The following MYRIP variants were observed in gnomAD, a reference collection of about 807,000 sequenced individuals.
MYRIP encodes myosin VIIA and Rab interacting protein, also known as rab effector MyRIP.
In MYRIP, 49 loss-of-function variants were observed where a neutral mutation model predicts 98.0. The observed-to-expected ratio is 0.50, with a 90% CI of 0.40 to 0.63. The LOEUF is 0.63. Among genes scored for constraint, MYRIP ranks in the 30% least tolerant of loss-of-function variants. MYRIP has a pLI of 0.00. For synonymous variants in MYRIP, 404 were observed against 409.5 expected (o/e 0.99, Z 0.16); for missense variants, 1,004 against 1,058.2 (o/e 0.95, Z 0.71).
chr3:40,042,643 TA>T (rs927487443), intron 2 of MYRIP, among the ~76,000 whole-genome samples: 2 of 151,796 alleles, frequency 1.3e-5, no homozygotes, highest in African/African-American at 4.8e-5. Flanking sequence ...AGATAAAAAG[TA>T]AAAAAAGTAA....
At chr3:39,940,549 T>A (rs1446110913) in intron 2 of MYRIP, among the ~76,000 whole-genome samples, 1 of 152,160 alleles carries the variant, frequency 6.6e-6, no homozygotes, top group African/African-American at 2.4e-5. Flanking sequence ...AATGGTATGT[T>A]TTATTTTCTG....
intron 1 of MYRIP, among the ~76,000 whole-genome samples, chr3:39,851,007 G>A (rs1942114766): frequency 6.6e-6 from 1 of 152,144 alleles, no homozygotes; most frequent in Admixed American, 6.5e-5. Flanking sequence ...GACTTACACT[G>A]TGTCCAGACA....
chr3:40,171,765 T>C (rs1950620936), intron 8 of MYRIP, among the ~76,000 whole-genome samples: 1 of 152,268 alleles, frequency 6.6e-6, no homozygotes, highest in African/African-American at 2.4e-5. Context: ...ACAGTCTTTA[T>C]TGAGCTTCCA....
At chr3:40,206,087 T>A (rs1951786716) in intron 10 of MYRIP, among the ~76,000 whole-genome samples, 1 of 152,162 alleles carries the variant, frequency 6.6e-6, no homozygotes, top group Admixed American at 6.6e-5. Flanking sequence ...CCAAAGTTTG[T>A]GAACAATATC....
intron 1 of MYRIP, among the ~76,000 whole-genome samples, chr3:39,829,669 A>T (rs1373686333): frequency 6.6e-6 from 1 of 152,110 alleles, no homozygotes; most frequent in Non-Finnish European, 1.5e-5. Context: ...TGGGGCTGTT[A>T]TTCTGGCCAG....
At chr3:39,914,657 C>CA (rs1315511646) in intron 2 of MYRIP, among the ~76,000 whole-genome samples, 2 of 151,892 alleles carry the variant, frequency 1.3e-5, no homozygotes, top group African/African-American at 2.4e-5. Flanking sequence ...AGCAAGCAAG[C>CA]AAAAAACTAA....
chr3:39,880,398 T>C (rs1216549548), intron 1 of MYRIP, among the ~76,000 whole-genome samples: 1 of 152,218 alleles, frequency 6.6e-6, no homozygotes, highest in Non-Finnish European at 1.5e-5. Context: ...TTAAACTTTG[T>C]TGATGTTGTA....
At chr3:40,060,622 G>A (rs915261391) in intron 3 of MYRIP, among the ~76,000 whole-genome samples, 2 of 88,260 alleles carry the variant, frequency 2.3e-5, no homozygotes, top group African/African-American at 3.9e-5. Context: ...AGAGAGATTC[G>A]CTCTTGCTAC....
chr3:40,099,532 A>G (rs547691472), intron 3 of MYRIP, among the ~76,000 whole-genome samples: 2 of 152,282 alleles, frequency 1.3e-5, no homozygotes, highest in African/African-American at 4.8e-5. Flanking sequence ...CCATCACAGT[A>G]TATGTTTACA....
intron 3 of MYRIP, among the ~76,000 whole-genome samples, chr3:40,047,152 A>G (rs905089615): frequency 6.6e-6 from 1 of 152,222 alleles, no homozygotes; most frequent in Non-Finnish European, 1.5e-5. Context: ...TCTCTTGTAC[A>G]ATGTTGTCTC....
At chr3:40,030,785 A>C (rs1947242658) in intron 2 of MYRIP, among the ~76,000 whole-genome samples, 2 of 152,152 alleles carry the variant, frequency 1.3e-5, no homozygotes, top group African/African-American at 4.8e-5. Flanking sequence ...AAACTCATAG[A>C]AACAGAAAGT....
At chr3:40,047,423 T>C (rs1341476935) in intron 3 of MYRIP, among the ~76,000 whole-genome samples, 1 of 152,202 alleles carries the variant, frequency 6.6e-6, no homozygotes, top group Non-Finnish European at 1.5e-5. Flanking sequence ...CAGTGTACCC[T>C]TGTTCCATTT....
chr3:39,824,049 G>A (rs1342652286), intron 1 of MYRIP, among the ~76,000 whole-genome samples: 1 of 152,048 alleles, frequency 6.6e-6, no homozygotes, highest in African/African-American at 2.4e-5. Context: ...AGAAGTGGAG[G>A]TATAGTTTCA....
Position 40,258,380 on chromosome 3 carries a change from C to G in MYRIP, c.*214C>G. 2.0e-6 allele frequency: 1 copy of G among 511,838 alleles called. No individual in the cohort carries two copies. The highest frequency in any genetic ancestry group is 3.5e-6 in the Non-Finnish European group (1 of 284,700). The allele number at this position is 511,838 out of a possible 1,614,324, so 31.7% of individuals were successfully genotyped here. A position where few individuals can be genotyped will look rare whatever the true frequency, so the allele number is the denominator to read the frequency against. On this transcript the variant is annotated 3_prime_UTR_variant, in exon 17 of 17. Transcript: ENST00000302541. ...TCTTGCCCACTCTCTGCCTTAGGCTCCCAGGGGAATCCAAGACAGAAAATG... is the reference window on the plus strand; with the variant it reads ...TCTTGCCCACTCTCTGCCTTAGGCTGCCAGGGGAATCCAAGACAGAAAATG...
intron 1 of MYRIP, among the ~76,000 whole-genome samples, chr3:39,820,852 C>T (rs1019409736): frequency 1.3e-5 from 2 of 152,070 alleles, no homozygotes; most frequent in African/African-American, 4.8e-5. Flanking sequence ...CCTAAAGGCT[C>T]CTTCATGCTC....
intron 3 of MYRIP, among the ~76,000 whole-genome samples, chr3:40,103,446 T>G (rs1230605760): frequency 6.6e-6 from 1 of 152,196 alleles, no homozygotes; most frequent in Admixed American, 6.5e-5. Context: ...ATGTTTTTTG[T>G]TTGTATTGTG....
At chr3:39,865,645 G>A (rs1199282668) in intron 1 of MYRIP, among the ~76,000 whole-genome samples, 1 of 152,132 alleles carries the variant, frequency 6.6e-6, no homozygotes, top group African/African-American at 2.4e-5. Flanking sequence ...ACACCAGTCA[G>A]AATGGCTATT....
chr3:39,873,139 T>C (rs1942857510), intron 1 of MYRIP, among the ~76,000 whole-genome samples: 1 of 152,250 alleles, frequency 6.6e-6, no homozygotes, highest in South Asian at 2.1e-4. Flanking sequence ...ATATCTTCTT[T>C]TGAGAAGTGT....
chr3:40,140,147 G>A (rs958325312), intron 3 of MYRIP, among the ~76,000 whole-genome samples: 5 of 152,136 alleles, frequency 3.3e-5, no homozygotes, highest in Non-Finnish European at 7.3e-5. Context: ...TCTTTGTGTA[G>A]ACATATCATT....
Sources: allele counts gnomAD v4.1 joint callset (sites outside exome capture counted in the v4.1 genomes callset), GRCh38; gene constraint gnomAD v4.1.1; transcripts MANE v1.5; gene names NCBI Gene and HGNC (gene_info 2026-07-23, HGNC 2026-07-21).